TRPC6: variants seen among roughly 807,000 people sequenced by gnomAD.
TRPC6 encodes the protein transient receptor potential cation channel subfamily C member 6, also known as short transient receptor potential channel 6.
TRPC6 carries 55 observed loss-of-function variants against 90.7 expected under a neutral mutation model. The observed-to-expected ratio is 0.61, with a 90% CI of 0.49 to 0.76. The LOEUF is 0.76. Ranked by LOEUF, TRPC6 falls within the 30% of genes least tolerant of loss-of-function variation. The pLI, the probability that TRPC6 is intolerant of heterozygous loss-of-function variation, is 0.00. For missense variants in TRPC6, 989 were observed against 1,122.7 expected (o/e 0.88, Z 1.70); for synonymous variants, 393 against 393.0 (o/e 1.00, Z 0.00).
At chr11:101,487,420 T>A (rs1859700960) in intron 4 of TRPC6, among the ~76,000 whole-genome samples, 1 of 152,148 alleles carries the variant, frequency 6.6e-6, no homozygotes, top group South Asian at 2.1e-4. Flanking sequence ...GCAATTTTGT[T>A]ACACCAGTAT....
intron 3 of TRPC6, 167 bp downstream of exon 3, chr11:101,491,389 G>T: frequency 1.3e-6 from 1 of 764,110 alleles, no homozygotes; most frequent in Non-Finnish European, 2.0e-6. Context: ...AGCCGAGATC[G>T]CACCACTGCA....
chr11:101,497,981 G>C (rs1040827678), intron 2 of TRPC6, among the ~76,000 whole-genome samples: 8 of 152,098 alleles, frequency 5.3e-5, no homozygotes, highest in Admixed American at 2.6e-4. Flanking sequence ...AAAAAAAGAG[G>C]GAATTAGAGA....
chr11:101,483,725 T>TATTGAAACAGG (rs1859606814), intron 4 of TRPC6, among the ~76,000 whole-genome samples: 2 of 152,218 alleles, frequency 1.3e-5, no homozygotes, highest in Non-Finnish European at 2.9e-5. Flanking sequence ...TCCTACAGTG[T>TATTGAAACAGG]ATTGAAACAA....
At chr11:101,517,714 A>G (rs965975401) in intron 1 of TRPC6, among the ~76,000 whole-genome samples, 1 of 152,218 alleles carries the variant, frequency 6.6e-6, no homozygotes, top group Non-Finnish European at 1.5e-5. Context: ...GGGAATATAT[A>G]AAAATTATTA....
chr11:101,532,162 G>A (rs1160861416), intron 1 of TRPC6, among the ~76,000 whole-genome samples: 1 of 152,194 alleles, frequency 6.6e-6, no homozygotes, highest in Non-Finnish European at 1.5e-5. Context: ...TATCTCAATG[G>A]TACAGGTCTC....
chr11:101,470,802 G>GCC (rs1354457752), intron 9 of TRPC6, among the ~76,000 whole-genome samples: 4 of 48,718 alleles, frequency 8.2e-5, no homozygotes, highest in Admixed American at 2.0e-4. Context: ...TAATCAAGTT[G>GCC]CCCCGCCCCC....
At chr11:101,456,922 A>C (rs1465427531) in intron 10 of TRPC6, among the ~76,000 whole-genome samples, 1 of 152,156 alleles carries the variant, frequency 6.6e-6, no homozygotes, top group Admixed American at 6.6e-5. Flanking sequence ...AATTCAGTAA[A>C]TATTTCATAA....
chr11:101,471,668 T>C (rs546767298), intron 8 of TRPC6, among the ~76,000 whole-genome samples: 206 of 152,334 alleles, frequency 1.4e-3, no homozygotes, highest in African/African-American at 4.6e-3. Flanking sequence ...TGAAAAATGC[T>C]ATGAAAAATT....
intron 1 of TRPC6, among the ~76,000 whole-genome samples, chr11:101,549,160 C>T (rs1861396202): frequency 6.6e-6 from 1 of 151,738 alleles, no homozygotes; most frequent in African/African-American, 2.4e-5. Context: ...GCTTTAATCA[C>T]CTGAAGTGAT....
intron 2 of TRPC6, among the ~76,000 whole-genome samples, chr11:101,503,605 G>A (rs1315126929): frequency 6.6e-6 from 1 of 152,094 alleles, no homozygotes; most frequent in Non-Finnish European, 1.5e-5. Flanking sequence ...ATCTATCACT[G>A]TGCTCTGAAC....
At chr11:101,486,925 T>C (rs927945336) in intron 4 of TRPC6, among the ~76,000 whole-genome samples, 7 of 151,966 alleles carry the variant, frequency 4.6e-5, no homozygotes, top group African/African-American at 1.7e-4. Flanking sequence ...AACAGTAAAA[T>C]AGGTTTTGGA....
At chr11:101,567,829 C>T (rs1400719137) in intron 1 of TRPC6, among the ~76,000 whole-genome samples, 1 of 152,166 alleles carries the variant, frequency 6.6e-6, no homozygotes, top group Non-Finnish European at 1.5e-5. Context: ...TTAAAATCAA[C>T]AAAAAGGACA....
At chr11:101,558,235 G>GTATACAT (rs1565243169) in intron 1 of TRPC6, among the ~76,000 whole-genome samples, 2 of 82,220 alleles carry the variant, frequency 2.4e-5, no homozygotes, top group Non-Finnish European at 2.6e-5. Flanking sequence ...ACATGTATAT[G>GTATACAT]GGTATACATG....
chr11:101,467,857 A>G (rs541712096), intron 10 of TRPC6, among the ~76,000 whole-genome samples: 4 of 152,310 alleles, frequency 2.6e-5, no homozygotes, highest in South Asian at 4.1e-4. Flanking sequence ...GTTGACCCCC[A>G]TACACTAGCC....
intron 1 of TRPC6, among the ~76,000 whole-genome samples, chr11:101,532,483 T>C (rs1860929815): frequency 6.6e-6 from 1 of 152,178 alleles, no homozygotes. Flanking sequence ...TTTTGAGTCC[T>C]AGCCTAGGGT....
chr11:101,542,323 T>G (rs1376536560), intron 1 of TRPC6, among the ~76,000 whole-genome samples: 2 of 152,218 alleles, frequency 1.3e-5, no homozygotes, highest in African/African-American at 4.8e-5. Context: ...TGAAAAAATG[T>G]ACATTGGCCA....
chr11:101,464,795 A>C (rs1459346415), intron 10 of TRPC6, among the ~76,000 whole-genome samples: 1 of 152,146 alleles, frequency 6.6e-6, no homozygotes, highest in Admixed American at 6.5e-5. Flanking sequence ...GTTTACATTT[A>C]AGGTTAATAT....
intron 1 of TRPC6, among the ~76,000 whole-genome samples, chr11:101,548,244 C>A (rs1404255513): frequency 3.0e-5 from 3 of 101,246 alleles, no homozygotes; most frequent in African/African-American, 8.0e-5. Flanking sequence ...AGCCTAAGAA[C>A]TAGATCATAT....
intron 1 of TRPC6, among the ~76,000 whole-genome samples, chr11:101,532,936 C>T (rs983137868): frequency 4.6e-5 from 7 of 152,138 alleles, no homozygotes; most frequent in African/African-American, 1.7e-4. Flanking sequence ...AAGCCAGCAG[C>T]CACTCTGAGC....
Sources: gnomAD v4.1 joint callset for allele counts (sites outside exome capture counted in the v4.1 genomes callset) on GRCh38, gnomAD v4.1.1 for gene constraint, MANE v1.5 for transcripts, NCBI Gene and HGNC (gene_info 2026-07-23, HGNC 2026-07-21) for gene names.